LCOR: variants seen among roughly 807,000 people sequenced by gnomAD.
LCOR encodes the protein ligand-dependent corepressor.
A neutral mutation model predicts 64.4 loss-of-function variants in LCOR; 14 were observed. The ratio of observed to expected loss-of-function variants is 0.22; its 90% CI spans 0.14 to 0.34. The LOEUF is 0.34. LCOR is among the 10% of genes least tolerant of loss of function. The pLI is 1.00. For synonymous variants in LCOR, 643 were observed against 642.5 expected (o/e 1.00, Z -0.01); for missense variants, 1,686 against 1,765.3 (o/e 0.96, Z 0.80).
chr10:96,937,163 C>A (rs78058542), intron 4 of LCOR, among the ~76,000 whole-genome samples: 15 of 152,252 alleles, frequency 9.9e-5, no homozygotes, highest in African/African-American at 3.6e-4. Flanking sequence ...CAGACACACA[C>A]ACAGGGAAGA....
intron 7 of LCOR, among the ~76,000 whole-genome samples, chr10:96,969,351 G>A (rs1203647585): frequency 2.0e-5 from 3 of 152,134 alleles, no homozygotes; most frequent in African/African-American, 7.2e-5. Flanking sequence ...GCATTTCATG[G>A]TACTGTTTTA....
At chr10:96,897,155 G>GTT (rs1235928025) in intron 2 of LCOR, among the ~76,000 whole-genome samples, 1 of 150,050 alleles carries the variant, frequency 6.7e-6, no homozygotes, top group Non-Finnish European at 1.5e-5. Context: ...GTAATTTGTA[G>GTT]TTTTGGTATC....
At chr10:96,969,779 T>G (rs1589689158) in intron 7 of LCOR, among the ~76,000 whole-genome samples, 1 of 147,740 alleles carries the variant, frequency 6.8e-6, no homozygotes, top group Non-Finnish European at 1.5e-5. Context: ...TTTTTCTTTT[T>G]TTTTTTTTTT....
intron 2 of LCOR, among the ~76,000 whole-genome samples, chr10:96,895,615 G>C (rs1846523391): frequency 6.6e-6 from 1 of 152,198 alleles, no homozygotes; most frequent in Non-Finnish European, 1.5e-5. Flanking sequence ...TGGACTGTAT[G>C]ATCATACCTC....
intron 2 of LCOR, among the ~76,000 whole-genome samples, chr10:96,836,231 G>A (rs1589593713): frequency 6.6e-6 from 1 of 152,102 alleles, no homozygotes; most frequent in African/African-American, 2.4e-5. Flanking sequence ...TGCTACACAG[G>A]GGGGCCTGGA....
At chr10:96,955,574 G>T in intron 7 of LCOR, 1 of 1,614,206 alleles carries the variant, frequency 6.2e-7, no homozygotes, top group Non-Finnish European at 8.5e-7. Flanking sequence ...ATGCTGAGCA[G>T]TCTACCTCTG....
At chr10:96,935,229 A>G (rs1423323009) in intron 4 of LCOR, among the ~76,000 whole-genome samples, 1 of 138,784 alleles carries the variant, frequency 7.2e-6, no homozygotes, top group Non-Finnish European at 1.5e-5. Flanking sequence ...GCGCACTGCA[A>G]CCTCCACCTC....
intron 7 of LCOR, among the ~76,000 whole-genome samples, chr10:96,972,331 A>G (rs905406847): frequency 6.6e-6 from 1 of 152,066 alleles, no homozygotes; most frequent in Non-Finnish European, 1.5e-5. Context: ...GATTTTGCAT[A>G]GTCTTACCAA....
In LCOR at chr10:96,944,264, G is replaced by A; in HGVS notation, c.-51+19G>A. The A allele has an allele frequency of 1.0e-6, 1 of 983,198 alleles. No individual in the cohort carries two copies. The highest frequency in any genetic ancestry group is 1.2e-6 in the Non-Finnish European group (1 of 827,664). 60.9% of individuals were successfully genotyped at this position (983,198 alleles called of 1,614,324 possible). ...AGAAAAGGTTGGTTTCAGTGAAGATGATATTTAGCATCTGCTTGTCTTGTA... is the reference window on the plus strand; with the variant it reads ...AGAAAAGGTTGGTTTCAGTGAAGATAATATTTAGCATCTGCTTGTCTTGTA... On this transcript the variant is annotated intron_variant, in intron 5 of 7. Coordinates refer to ENST00000421806, the MANE Select transcript of LCOR (RefSeq NM_001346516.2).
rs60342993 is a variant in LCOR at position 96,906,124 on chromosome 10, G to T, written c.-329-1141G>T. Among the ~76,000 whole-genome samples, 1,302 of 152,288 alleles carry T rather than the reference G, an allele frequency of 8.5e-3. 20 individuals carry two copies. The highest frequency in any genetic ancestry group is 0.029 in the African/African-American group (1,225 of 41,556). On this transcript the variant is annotated intron_variant, in intron 2 of 7. Coordinates refer to ENST00000421806, the MANE Select transcript of LCOR (RefSeq NM_001346516.2). ...AATTAAGGGGTACCTTATCTTTTAA[G>T]CATGGGAGTGCTTTTTAACAATTAA...
At chr10:96,873,552 T>TGTGTGTGTG (rs1403456190) in intron 2 of LCOR, among the ~76,000 whole-genome samples, 1 of 143,328 alleles carries the variant, frequency 7.0e-6, no homozygotes, top group East Asian at 2.3e-4. Context: ...TGTTTTGTTT[T>TGTGTGTGTG]TCGATACACA....
chr10:96,893,845 C>T (rs1473478371), intron 2 of LCOR, among the ~76,000 whole-genome samples: 6 of 151,984 alleles, frequency 3.9e-5, no homozygotes, highest in South Asian at 4.2e-4. Context: ...GACCTGGCTT[C>T]GTAATTCATA....
chr10:96,857,541 T>A (rs536771108), intron 2 of LCOR, among the ~76,000 whole-genome samples: 19 of 152,206 alleles, frequency 1.2e-4, no homozygotes, highest in South Asian at 4.2e-4. Context: ...TACTCTTACT[T>A]CTCTCTCAGC....
intron 4 of LCOR, among the ~76,000 whole-genome samples, chr10:96,941,294 C>T (rs1847467387): frequency 1.4e-5 from 2 of 142,914 alleles, no homozygotes; most frequent in Admixed American, 6.8e-5. Context: ...GGGCTGATCC[C>T]CCCACCTCCC....
chr10:96,941,647 G>A (rs1198332162), intron 4 of LCOR, among the ~76,000 whole-genome samples: 4,844 of 122,032 alleles, frequency 0.04, no homozygotes, highest in African/African-American at 0.045. Context: ...TTCCCAGACG[G>A]GGTGGCTGCC....
chr10:96,958,195 G>A (rs1589683220), intron 7 of LCOR: 2 of 1,281,730 alleles, frequency 1.6e-6, no homozygotes, highest in East Asian at 5.7e-5. Flanking sequence ...ATTAATTTGT[G>A]CTTGCTTTTA....
chr10:96,860,669 A>T (rs1373652457), intron 2 of LCOR, among the ~76,000 whole-genome samples: 1 of 152,228 alleles, frequency 6.6e-6, no homozygotes, highest in Non-Finnish European at 1.5e-5. Context: ...CATCGTTTTG[A>T]AATAAAATGC....
intron 4 of LCOR, among the ~76,000 whole-genome samples, chr10:96,942,522 A>G (rs1270783915): frequency 6.6e-6 from 1 of 152,252 alleles, no homozygotes; most frequent in Non-Finnish European, 1.5e-5. Flanking sequence ...TAAATTTTTT[A>G]ATACATTATA....
intron 2 of LCOR, among the ~76,000 whole-genome samples, chr10:96,895,832 CAGTGTT>C (rs1202628608): frequency 1.3e-5 from 2 of 152,202 alleles, no homozygotes; most frequent in Non-Finnish European, 2.9e-5. Flanking sequence ...CCTGTAATCC[CAGTGTT>C]TTGGGAGGCC....
Sources: gnomAD v4.1 joint callset for allele counts (sites outside exome capture counted in the v4.1 genomes callset) on GRCh38, gnomAD v4.1.1 for gene constraint, MANE v1.5 for transcripts, NCBI Gene and HGNC (gene_info 2026-07-23, HGNC 2026-07-21) for gene names.